SCARB1: variants seen among roughly 807,000 people sequenced by gnomAD.
The protein encoded by SCARB1 is scavenger receptor class B member 1.
SCARB1 carries 30 observed loss-of-function variants against 57.2 expected under a neutral mutation model. The ratio of observed to expected loss-of-function variants is 0.52; its 90% CI spans 0.39 to 0.71. SCARB1 has a LOEUF of 0.71. SCARB1 is among the 30% of genes least tolerant of loss of function. The pLI is 0.00. For missense variants in SCARB1, 543 were observed against 671.2 expected (o/e 0.81, Z 2.11); for synonymous variants, 249 against 268.3 (o/e 0.93, Z 0.70).
Position 124,800,348 on chromosome 12 carries a change from CG to C in SCARB1, c.1010-107del. ...TGTGGTCTGCAGGGCACCCCCGTGG[CG>C]ATGACAAGATAACCAGACAGAGAGG... On this transcript the variant is annotated intron_variant, in intron 7 of 12. Transcript: ENST00000261693. This position sits in a 1 kb window ranked among gnomAD's most constrained non-coding sequence, Gnocchi z 4.8. The C allele has an allele frequency of 1.3e-6, 1 of 794,856 alleles. No homozygotes were observed. The highest frequency in any genetic ancestry group is 2.1e-6 in the Non-Finnish European group (1 of 469,462). 49.2% of individuals were successfully genotyped at this position (794,856 alleles called of 1,614,324 possible).
chr12:124,832,957 C>T (rs770925670), intron 1 of SCARB1, among the ~76,000 whole-genome samples: 2 of 152,154 alleles, frequency 1.3e-5, no homozygotes, highest in East Asian at 1.9e-4. Flanking sequence ...GGATGAAAGT[C>T]ACGGTGCAGG....
chr12:124,841,043 C>A (rs912483602), intron 1 of SCARB1, among the ~76,000 whole-genome samples: 1 of 152,046 alleles, frequency 6.6e-6, no homozygotes, highest in African/African-American at 2.4e-5. Context: ...GTGGCACGCA[C>A]GTGTAATCCC....
chr12:124,861,246 C>T (rs1285240884), intron 1 of SCARB1, among the ~76,000 whole-genome samples: 1 of 152,138 alleles, frequency 6.6e-6, no homozygotes, highest in Admixed American at 6.5e-5. Context: ...GCGCATCCTC[C>T]CGTATTCTTT....
rs540409091 is a variant in SCARB1, at chr12:124,799,175, C to T, written c.1128+949G>A. ...AGGTATTCCACAAGTTATATACATACATCATAACATCATGTTGTACACTCA... is the reference window on the plus strand; with the variant it reads ...AGGTATTCCACAAGTTATATACATATATCATAACATCATGTTGTACACTCA... On this transcript the variant is annotated intron_variant, in intron 8 of 12. Coordinates refer to ENST00000261693, the MANE Select transcript of SCARB1 (RefSeq NM_005505.5). Among the ~76,000 whole-genome samples the T allele has an allele frequency of 9.9e-5, 15 of 152,280 alleles. No individual in the cohort carries two copies. The East Asian group carries it at 1.9e-3, about 20-fold the overall frequency.
chr12:124,819,129 TAA>T (rs56299837), intron 1 of SCARB1, among the ~76,000 whole-genome samples: 169 of 137,500 alleles, frequency 1.2e-3, no homozygotes, highest in Middle Eastern at 3.6e-3. Context: ...CCCTGTCTCA[TAA>T]AAAAAAAAAA....
intron 1 of SCARB1, among the ~76,000 whole-genome samples, chr12:124,835,524 A>G (rs1469770281): frequency 1.3e-5 from 2 of 151,790 alleles, no homozygotes; most frequent in African/African-American, 4.8e-5. Context: ...TCCCGCTTCA[A>G]CCTCCCAAAG....
At chr12:124,831,670 C>T (rs183190206) in intron 1 of SCARB1, among the ~76,000 whole-genome samples, 3 of 152,156 alleles carry the variant, frequency 2.0e-5, no homozygotes, top group Non-Finnish European at 4.4e-5. Flanking sequence ...TCCCCTCAAC[C>T]CCCTGCCCAT....
At chr12:124,818,371 T>C (rs535843866) in intron 1 of SCARB1, among the ~76,000 whole-genome samples, 1 of 152,272 alleles carries the variant, frequency 6.6e-6, no homozygotes, top group East Asian at 1.9e-4. Flanking sequence ...ATCCCAGAAC[T>C]TTGGGAGGCC....
intron 11 of SCARB1, 63 bp from the exon 12 acceptor site, chr12:124,782,874 G>T: frequency 1.9e-6 from 3 of 1,578,814 alleles, no homozygotes; most frequent in African/African-American, 2.7e-5. Context: ...GTTTTACACG[G>T]TTCTTCAATT....
intron 1 of SCARB1, among the ~76,000 whole-genome samples, chr12:124,827,160 G>A (rs1361993018): frequency 1.3e-5 from 2 of 152,168 alleles, no homozygotes; most frequent in Non-Finnish European, 2.9e-5. Context: ...AGAAGGAAGA[G>A]GTTTTTATTC....
intron 7 of SCARB1, among the ~76,000 whole-genome samples, chr12:124,804,190 G>A (rs1330154097): frequency 2.0e-5 from 3 of 152,204 alleles, no homozygotes; most frequent in African/African-American, 7.2e-5. Context: ...GTTTACAGCT[G>A]GGCATGGGAG....
In SCARB1 at chr12:124,810,204, G is replaced by A. The variant is rs763215766; in HGVS notation, c.812C>T (p.Ser271Leu). 90 of 1,613,666 alleles carry A rather than the reference G, an allele frequency of 5.6e-5. No individual in the cohort carries two copies. The highest frequency in any genetic ancestry group is 7.2e-5 in the Non-Finnish European group (85 of 1,179,742). ...MWPPFMTPES[S>L]LEFYSPEACR... Reference sequence around the variant, plus strand: ...GGCCTCCGGGCTGTAGAACTCCAGCGAGGACTCAGGAGTCATGAAGGGCGG... The same window carrying A: ...GGCCTCCGGGCTGTAGAACTCCAGCAAGGACTCAGGAGTCATGAAGGGCGG... The change falls in exon 6 of 13, where the codon TCG becomes TTG. Residue 271 changes from serine (S) to leucine (L), a missense_variant. Coordinates refer to ENST00000261693, the MANE Select transcript of SCARB1 (RefSeq NM_005505.5). This position sits in a 1 kb window ranked among gnomAD's most constrained non-coding sequence, Gnocchi z 4.0.
intron 1 of SCARB1, among the ~76,000 whole-genome samples, chr12:124,862,167 C>T (rs879195633): frequency 6.6e-6 from 1 of 152,140 alleles, no homozygotes; most frequent in Non-Finnish European, 1.5e-5. Flanking sequence ...GAGTAGGCCA[C>T]AGAAAAATAA....
At chr12:124,794,610 T>C (rs1487619770) in intron 9 of SCARB1, among the ~76,000 whole-genome samples, 2 of 151,806 alleles carry the variant, frequency 1.3e-5, no homozygotes, top group African/African-American at 4.8e-5. Flanking sequence ...CTCTGGCTAA[T>C]TGGCAGGGAG....
At chr12:124,825,211 C>T (rs370322213) in intron 1 of SCARB1, among the ~76,000 whole-genome samples, 112 of 112,914 alleles carry the variant, frequency 9.9e-4, no homozygotes, top group African/African-American at 3.5e-3. Context: ...GGCAACAGAG[C>T]GAGACTCCAT....
Position 124,817,948 on chromosome 12 carries a change from C to T in SCARB1, c.127-241G>A, listed in dbSNP as rs538261617. ...ATCTTAAAATATGTCCTAACAGCAA[C>T]AGGTGACACCAGTCAAGGGACTGTG... On this transcript the variant is annotated intron_variant, in intron 1 of 12. Transcript: ENST00000261693. The surrounding 1 kb of genome is among the most constrained non-coding windows in gnomAD (Gnocchi z 4.8). Among the ~76,000 whole-genome samples, 1 of 152,206 alleles carries T rather than the reference C, an allele frequency of 6.6e-6. No individual in the cohort carries two copies. Among genetic ancestry groups the T allele is most frequent in the Non-Finnish European group, 1.5e-5 (1 of 68,036 alleles).
chr12:124,801,850 AAAAT>A (rs955180545), intron 7 of SCARB1, among the ~76,000 whole-genome samples: 1 of 151,200 alleles, frequency 6.6e-6, no homozygotes, highest in Non-Finnish European at 1.5e-5. Context: ...TGTCTCAAAA[AAAAT>A]AAAATAAAAT....
At chr12:124,839,291 G>A (rs541562891) in intron 1 of SCARB1, 80 of 455,140 alleles carry the variant, frequency 1.8e-4, no homozygotes, top group South Asian at 1.2e-3. Flanking sequence ...GGGAGCTCAT[G>A]CAAATGGAAT....
intron 9 of SCARB1, among the ~76,000 whole-genome samples, chr12:124,793,238 G>A (rs1452469619): frequency 6.6e-6 from 1 of 152,164 alleles, no homozygotes; most frequent in Non-Finnish European, 1.5e-5. Flanking sequence ...ATTTTTCTAA[G>A]AGAATTTTTT....
Sources: gnomAD v4.1 joint callset for allele counts (sites outside exome capture counted in the v4.1 genomes callset) on GRCh38, gnomAD v4.1.1 for gene constraint, Gnocchi (gnomAD v3.1) non-coding constraint, MANE v1.5 for transcripts, NCBI Gene and HGNC (gene_info 2026-07-23, HGNC 2026-07-21) for gene names.